PRELID2: variants seen among roughly 807,000 people sequenced by gnomAD.
PRELID2 encodes the protein PRELI domain containing 2, also known as PRELI domain-containing protein 2.
In PRELID2, 25 loss-of-function variants were observed where a neutral mutation model predicts 28.4. The ratio of observed to expected loss-of-function variants is 0.88; its 90% CI spans 0.64 to 1.23. The LOEUF (loss-of-function observed/expected upper bound fraction) is 1.23, where lower values mean the gene tolerates loss of function less well. PRELID2 is among the 50% of genes most tolerant of loss of function. The pLI, the probability that PRELID2 is intolerant of heterozygous loss-of-function variation, is 0.00. For synonymous variants in PRELID2, 76 were observed against 71.6 expected (o/e 1.06, Z -0.31); for missense variants, 201 against 214.4 (o/e 0.94, Z 0.39).
the PRELID2 span, among the ~76,000 whole-genome samples, chr5:145,430,498 A>G: frequency 6.6e-6 from 1 of 152,120 alleles, no homozygotes; most frequent in African/African-American, 2.4e-5. Flanking sequence ...TGAAGAACTC[A>G]AACCTGCTCT....
At chr5:145,592,411 C>T (rs1457188010) in intron 1 of PRELID2, among the ~76,000 whole-genome samples, 2 of 151,508 alleles carry the variant, frequency 1.3e-5, no homozygotes, top group Admixed American at 6.6e-5. Context: ...CAGAGCGAGA[C>T]TCTGTCTCAA....
At chr5:145,371,439 G>C in the PRELID2 span, among the ~76,000 whole-genome samples, 32 of 152,198 alleles carry the variant, frequency 2.1e-4, no homozygotes, top group South Asian at 5.8e-3. Context: ...TGTTGAACCA[G>C]GCTTGCATCC....
At chr5:145,779,803 G>T (rs1366902762) in intron 5 of PRELID2, among the ~76,000 whole-genome samples, 1 of 152,114 alleles carries the variant, frequency 6.6e-6, no homozygotes, top group African/African-American at 2.4e-5. Context: ...ACTCTATGAG[G>T]GAGGGCACTC....
chr5:145,469,180 C>T (rs915640199), downstream of PRELID2, among the ~76,000 whole-genome samples: 25 of 151,950 alleles, frequency 1.6e-4, no homozygotes, highest in Non-Finnish European at 3.4e-4. Flanking sequence ...CTCCTTCGCC[C>T]CTTAGACTTT....
the PRELID2 span, among the ~76,000 whole-genome samples, chr5:145,290,143 C>A: frequency 6.6e-6 from 1 of 152,154 alleles, no homozygotes; most frequent in East Asian, 1.9e-4. Context: ...CGCTTTTACA[C>A]TGTTGGTGGG....
the PRELID2 span, among the ~76,000 whole-genome samples, chr5:145,240,672 C>T: frequency 1.9e-3 from 286 of 151,982 alleles, no homozygotes; most frequent in Non-Finnish European, 2.8e-3. Flanking sequence ...CTTTAAAAAC[C>T]GGTAGAATTG....
chr5:145,539,668 T>C (rs1437020183), intron 1 of PRELID2, among the ~76,000 whole-genome samples: 1 of 151,968 alleles, frequency 6.6e-6, no homozygotes, highest in East Asian at 1.9e-4. Context: ...ATCATAATTG[T>C]ATTTCCAAAA....
At chr5:145,310,142 A>C in the PRELID2 span, among the ~76,000 whole-genome samples, 1 of 152,220 alleles carries the variant, frequency 6.6e-6, no homozygotes, top group Non-Finnish European at 1.5e-5. Flanking sequence ...ATTTCAAGAA[A>C]TAAATGTAAA....
At chr5:145,436,618 C>T in the PRELID2 span, among the ~76,000 whole-genome samples, 33 of 151,942 alleles carry the variant, frequency 2.2e-4, no homozygotes, top group Admixed American at 1.1e-3. Flanking sequence ...TTGTTTTTTA[C>T]GTTTTAATAA....
At chr5:145,643,238 T>A (rs2149665551) in intron 1 of PRELID2, among the ~76,000 whole-genome samples, 1 of 152,286 alleles carries the variant, frequency 6.6e-6, no homozygotes, top group African/African-American at 2.4e-5. Flanking sequence ...TCATATCCCT[T>A]GTAAATTGGA....
intron 1 of PRELID2, among the ~76,000 whole-genome samples, chr5:145,692,634 G>T (rs1440489346): frequency 1.3e-5 from 2 of 152,174 alleles, no homozygotes; most frequent in African/African-American, 2.4e-5. Flanking sequence ...TGCCTGTCAG[G>T]TCGACAATTA....
At chr5:145,415,135 A>G in the PRELID2 span, among the ~76,000 whole-genome samples, 3 of 152,204 alleles carry the variant, frequency 2.0e-5, no homozygotes, top group African/African-American at 7.2e-5. Context: ...AAATACTAAC[A>G]GTCTCTCAGA....
chr5:145,297,578 T>C, the PRELID2 span, among the ~76,000 whole-genome samples: 1 of 152,036 alleles, frequency 6.6e-6, no homozygotes, highest in Non-Finnish European at 1.5e-5. Flanking sequence ...ATGCCCTCTC[T>C]CACCACTCCT....
At chr5:145,734,589 TTAGC>T (rs1756441256) in intron 1 of PRELID2, among the ~76,000 whole-genome samples, 1 of 152,142 alleles carries the variant, frequency 6.6e-6, no homozygotes. Context: ...TGGATATTAA[TTAGC>T]ATGTTTTATG....
At chr5:145,635,846 C>A (rs1753992706) in intron 1 of PRELID2, among the ~76,000 whole-genome samples, 1 of 152,216 alleles carries the variant, frequency 6.6e-6, no homozygotes, top group Non-Finnish European at 1.5e-5. Flanking sequence ...TAGGGCATAT[C>A]CATAGGTGAT....
chr5:145,640,822 A>G (rs1455336356), intron 1 of PRELID2, among the ~76,000 whole-genome samples: 1 of 152,210 alleles, frequency 6.6e-6, no homozygotes, highest in African/African-American at 2.4e-5. Context: ...TGTGAACAAT[A>G]AACAATCAAC....
chr5:145,306,425 TC>T, the PRELID2 span, among the ~76,000 whole-genome samples: 1 of 152,248 alleles, frequency 6.6e-6, no homozygotes, highest in South Asian at 2.1e-4. Context: ...ATTTAATAAT[TC>T]CATTAATTAC....
chr5:145,624,444 C>G (rs1753816768), intron 1 of PRELID2, among the ~76,000 whole-genome samples: 1 of 152,128 alleles, frequency 6.6e-6, no homozygotes, highest in African/African-American at 2.4e-5. Flanking sequence ...AGTCACCAGT[C>G]ATCTTGTTTG....
chr5:145,552,827 G>A (rs1752848918), intron 1 of PRELID2, among the ~76,000 whole-genome samples: 1 of 152,020 alleles, frequency 6.6e-6, no homozygotes, highest in African/African-American at 2.4e-5. Context: ...CTACTTTCTA[G>A]GTATTCACAA....
Sources: gnomAD v4.1 joint callset for allele counts (sites outside exome capture counted in the v4.1 genomes callset) on GRCh38, gnomAD v4.1.1 for gene constraint, MANE v1.5 for transcripts, NCBI Gene and HGNC (gene_info 2026-07-23, HGNC 2026-07-21) for gene names.